The following PNPLA4 variants were observed in gnomAD, a reference collection of about 807,000 sequenced individuals.
PNPLA4 encodes the protein patatin-like phospholipase domain-containing protein 4.
PNPLA4 carries 15 observed loss-of-function variants against 18.3 expected under a neutral mutation model. That is an observed-to-expected ratio of 0.82 (90% CI 0.55 to 1.26). PNPLA4 has a LOEUF of 1.26. Among genes scored for constraint, PNPLA4 ranks in the 50% most tolerant of loss-of-function variants. The pLI, the probability that PNPLA4 is intolerant of heterozygous loss-of-function variation, is 0.00. For synonymous variants in PNPLA4, 88 were observed against 85.6 expected, an observed-to-expected ratio of 1.03 and a Z score of -0.16; for missense variants, 229 against 196.8, an observed-to-expected ratio of 1.16 and a Z score of -0.98.
At chrX:7,916,380 G>C (rs1924045792) in intron 4 of PNPLA4, among the ~76,000 whole-genome samples, 1 of 111,170 alleles carries the variant, frequency 9.0e-6, no homozygotes, top group South Asian at 3.8e-4. Context: ...GCACACACTT[G>C]ACACTCGGGG....
chrX:7,924,920 AAC>A (rs1251248131), intron 2 of PNPLA4, among the ~76,000 whole-genome samples: 1 of 112,271 alleles, frequency 8.9e-6, no homozygotes, highest in African/African-American at 3.2e-5. Flanking sequence ...TCAAAAACGA[AAC>A]ACAGTTATGG....
At chrX:7,921,425 A>G (rs1924210464) in intron 4 of PNPLA4, among the ~76,000 whole-genome samples, 1 of 112,313 alleles carries the variant, frequency 8.9e-6, no homozygotes, top group Non-Finnish European at 1.9e-5. Context: ...TATTGCTACT[A>G]AACTGCATCA....
At chrX:7,916,377 C>T (rs1361290570) in intron 4 of PNPLA4, among the ~76,000 whole-genome samples, 1 of 111,183 alleles carries the variant, frequency 9.0e-6, no homozygotes, top group Non-Finnish European at 1.9e-5. Context: ...AATGCACACA[C>T]TTGACACTCG....
Position 7,922,014 on chromosome X carries a change from C to A in PNPLA4, c.265G>T (p.Ala89Ser), listed in dbSNP as rs1194623038. The A allele has an allele frequency of 1.7e-6, 2 of 1,203,996 alleles. No homozygotes were observed. The highest frequency in any genetic ancestry group is 2.3e-6 in the Non-Finnish European group (2 of 888,797). ...GAVTPGYDFM[A>S]RLRSGMESIL... ...ATGTACTCTGTATACCTTAGTCGGG[C>A]CATGAAGTCATAACCGGGCGTTACT... is the stretch of plus-strand genomic sequence containing the variant. The change falls in exon 3 of 7, where the codon GCC becomes TCC. Residue 89 changes from alanine to serine, a missense_variant. Physicochemically the swap from Ala to Ser is moderately conservative, Grantham distance 99. Transcript: ENST00000381042.
At chrX:7,916,933 T>C (rs1924064259) in intron 4 of PNPLA4, among the ~76,000 whole-genome samples, 2 of 112,332 alleles carry the variant, frequency 1.8e-5, no homozygotes, top group South Asian at 7.3e-4. Flanking sequence ...GCAGACATCA[T>C]CTGTGTTTCC....
At chrX:7,905,520 T>C (rs1359024231) in intron 5 of PNPLA4, among the ~76,000 whole-genome samples, 2 of 111,971 alleles carry the variant, frequency 1.8e-5, no homozygotes, top group Non-Finnish European at 3.8e-5. Flanking sequence ...AGAACTTCCA[T>C]GAAGGGCTCC....
intron 5 of PNPLA4, among the ~76,000 whole-genome samples, chrX:7,909,550 C>T (rs1482749798): frequency 9.4e-6 from 1 of 106,488 alleles, no homozygotes; most frequent in Non-Finnish European, 1.9e-5. Context: ...CAGAGTGAGA[C>T]TCCATCTCAA....
chrX:7,921,713 C>A lies in PNPLA4; in HGVS notation c.411G>T (p.Lys137Asn). 1 of 1,207,799 alleles carries A rather than the reference C, an allele frequency of 8.3e-7. No homozygotes were observed. Among genetic ancestry groups the A allele is most frequent in the Non-Finnish European group, 1.1e-6 (1 of 892,332 alleles). Residue 137 changes from lysine (K) to asparagine (N), a missense_variant and splice_region_variant, in exon 4 of 7, where the codon AAG (lysine) becomes AAT (asparagine). Transcript: ENST00000381042. ...STFSSREDLI[K>N]VLLASSFVPI... ...CAAATAGGAAACATGGCTTTGTTAC[C>A]TTAATGAGGTCCTCCCTGGAGGAAA...
chrX:7,912,604 G>A (rs376752465), intron 4 of PNPLA4, among the ~76,000 whole-genome samples: 2 of 111,673 alleles, frequency 1.8e-5, no homozygotes, highest in African/African-American at 6.5e-5. Flanking sequence ...ATATGTAATG[G>A]AACCCTGGCA....
At chrX:7,910,838 C>G (rs1923851329) in intron 5 of PNPLA4, among the ~76,000 whole-genome samples, 1 of 107,496 alleles carries the variant, frequency 9.3e-6, no homozygotes, top group Admixed American at 1.0e-4. Context: ...AAATAGATAT[C>G]TACTCTATTT....
At position 7,899,659 on chromosome X, in the gene PNPLA4, G is replaced by C. The variant is rs1923458122; in HGVS notation, c.*1027C>G. The stretch of plus-strand genomic sequence containing the variant: ...AGAGAGAGAGAGAGAGAGAGAGAGA[G>C]AGAGAGAGAGAGAGAGAGAGAATGA... On this transcript the variant is annotated 3_prime_UTR_variant, in exon 7 of 7. Transcript: ENST00000381042. 9.8e-6 allele frequency: 1 copy of C among 101,835 alleles called. No homozygotes were observed. The highest frequency in any genetic ancestry group is 2.0e-5 in the Non-Finnish European group (1 of 49,643). The allele number at this position is 101,835 out of a possible 1,213,427, so 8.4% of individuals were successfully genotyped here.
At chrX:7,924,653 C>G (rs1194864989) in intron 2 of PNPLA4, among the ~76,000 whole-genome samples, 5 of 112,282 alleles carry the variant, frequency 4.5e-5, no homozygotes, top group African/African-American at 1.6e-4. Context: ...GTAAACTGAT[C>G]TGAGAATATG....
intron 5 of PNPLA4, among the ~76,000 whole-genome samples, chrX:7,902,682 AGTG>A (rs1218610567): frequency 8.9e-6 from 1 of 112,101 alleles, no homozygotes; most frequent in African/African-American, 3.2e-5. Context: ...GTAGGCACTC[AGTG>A]CTCTCAAGCC....
At chrX:7,902,261 ATCCCATTGGG>A in intron 5 of PNPLA4, 120 bp from the exon 6 acceptor site, 1 of 650,058 alleles carries the variant, frequency 1.5e-6, no homozygotes, top group Non-Finnish European at 2.3e-6. Context: ...TTGAGGACTA[ATCCCATTGGG>A]GATCTGTTCT....
chrX:7,905,152 C>G (rs1923668036), intron 5 of PNPLA4, among the ~76,000 whole-genome samples: 1 of 112,083 alleles, frequency 8.9e-6, no homozygotes, highest in Admixed American at 9.5e-5. Context: ...AACTCATGCC[C>G]AATTGTGGGG....
chrX:7,913,054 C>T (rs1381504061), intron 4 of PNPLA4, among the ~76,000 whole-genome samples: 1 of 112,002 alleles, frequency 8.9e-6, no homozygotes, highest in Non-Finnish European at 1.9e-5. Context: ...AACTAAATTA[C>T]AGACTCAGTC....
At chrX:7,914,909 C>T in intron 4 of PNPLA4, among the ~76,000 whole-genome samples, 1 of 111,808 alleles carries the variant, frequency 8.9e-6, no homozygotes, top group Non-Finnish European at 1.9e-5. Flanking sequence ...CTGGAAAATA[C>T]TTGTCACTTC....
chrX:7,922,040 G>A lies in PNPLA4; in HGVS notation c.239C>T (p.Ala80Val). 1 of 1,209,108 alleles carries A rather than the reference G, an allele frequency of 8.3e-7. No individual in the cohort carries two copies. ...CATGAAGTCATAACCGGGCGTTACT[G>A]CCCCGAAAGACTGCCTTCTGATTTC... is the stretch of plus-strand genomic sequence containing the variant. ...AEEIRRQSFG[A>V]VTPGYDFMAR... Residue 80 changes from alanine to valine, a missense_variant, in exon 3 of 7, where the codon GCA (alanine) becomes GTA (valine). By Grantham distance (64) the Ala-to-Val change is moderately conservative. Coordinates refer to ENST00000381042, the MANE Select transcript of PNPLA4 (RefSeq NM_004650.3).
chrX:7,907,178 C>T (rs1382852565), intron 5 of PNPLA4, among the ~76,000 whole-genome samples: 10 of 110,955 alleles, frequency 9.0e-5, no homozygotes, highest in Non-Finnish European at 1.9e-4. Context: ...CCACCATGCC[C>T]GGCTAATTTT....
Sources: gnomAD v4.1 joint callset for allele counts (sites outside exome capture counted in the v4.1 genomes callset) on GRCh38, gnomAD v4.1.1 for gene constraint, MANE v1.5 for transcripts, NCBI Gene and HGNC (gene_info 2026-07-23, HGNC 2026-07-21) for gene names.